FHIT: variants seen among roughly 807,000 people sequenced by gnomAD.
FHIT encodes bis(5'-adenosyl)-triphosphatase.
A neutral mutation model predicts 17.9 loss-of-function variants in FHIT; 19 were observed. That is an observed-to-expected ratio of 1.06 (90% CI 0.74 to 1.56). The LOEUF (loss-of-function observed/expected upper bound fraction) is 1.56, where lower values mean the gene tolerates loss of function less well. Ranked by LOEUF, FHIT falls within the 40% of genes most tolerant of loss-of-function variation. FHIT has a pLI of 0.00. For synonymous variants in FHIT, 81 were observed against 69.7 expected, an observed-to-expected ratio of 1.16 and a Z score of -0.81; for missense variants, 248 against 189.2, an observed-to-expected ratio of 1.31 and a Z score of -1.82.
chr3:60,291,913 G>C (rs1242235094), intron 5 of FHIT, among the ~76,000 whole-genome samples: 1 of 152,158 alleles, frequency 6.6e-6, no homozygotes, highest in Non-Finnish European at 1.5e-5. Context: ...CTCCCCTGAA[G>C]ACTTCCCATG....
Position 61,097,230 on chromosome 3 carries a change from AGACAGTGGGTGCAG to A in FHIT, c.-163-55145_-163-55132del, listed in dbSNP as rs1322798804. On this transcript the variant is annotated intron_variant, in intron 2 of 9. Coordinates refer to ENST00000492590, the MANE Select transcript of FHIT (RefSeq NM_002012.4). ...CGGGTTCATCTCACTGGGGCATGTC[AGACAGTGGGTGCAG>A]GACAGTGGGTGCAGTCCACTGAGCG... Among the ~76,000 whole-genome samples, 9 of 152,268 alleles carry A rather than the reference AGACAGTGGGTGCAG, an allele frequency of 5.9e-5. No individual in the cohort carries two copies. In the East Asian group the frequency reaches 9.6e-4, roughly 16 times the overall value.
At chr3:60,027,134 C>CAA (rs1311478100) in intron 5 of FHIT, among the ~76,000 whole-genome samples, 6,362 of 119,360 alleles carry the variant, frequency 0.053, 286 homozygotes, top group African/African-American at 0.076. Flanking sequence ...CACACACACA[C>CAA]ACACACACAC....
intron 4 of FHIT, among the ~76,000 whole-genome samples, chr3:60,612,063 GC>G (rs2038802195): frequency 6.6e-6 from 1 of 152,004 alleles, no homozygotes; most frequent in Admixed American, 6.6e-5. Context: ...CACTGAACTG[GC>G]CCAGAAATAA....
At chr3:60,517,076 CATGTCG>C (rs1439616228) in intron 5 of FHIT, among the ~76,000 whole-genome samples, 1 of 152,162 alleles carries the variant, frequency 6.6e-6, no homozygotes, top group Non-Finnish European at 1.5e-5. Context: ...GCTATAAAAA[CATGTCG>C]AGAAGTTGTT....
At chr3:61,028,513 C>T (rs2032850612) in intron 3 of FHIT, among the ~76,000 whole-genome samples, 2 of 152,102 alleles carry the variant, frequency 1.3e-5, no homozygotes, top group African/African-American at 4.8e-5. Context: ...GAAGGAGAAA[C>T]CTATAAAGTA....
At chr3:59,794,918 T>C (rs994687365) in intron 8 of FHIT, among the ~76,000 whole-genome samples, 5 of 152,218 alleles carry the variant, frequency 3.3e-5, no homozygotes, top group African/African-American at 9.6e-5. Flanking sequence ...CCTACCCTTG[T>C]TAGCAGTATG....
In FHIT at chr3:60,066,715, G is replaced by A. The variant is rs1457701581; in HGVS notation, c.104-52563C>T. On this transcript the variant is annotated intron_variant, in intron 5 of 9. Coordinates refer to ENST00000492590, the MANE Select transcript of FHIT (RefSeq NM_002012.4). The stretch of plus-strand genomic sequence containing the variant: ...TCTGTCACCCAGGCTGGAGTGCAGA[G>A]GCACGATCTCGGCTCACTGCAAGCT... Among the ~76,000 whole-genome samples, 3 of 130,984 alleles carry A rather than the reference G, an allele frequency of 2.3e-5. No individual in the cohort carries two copies. The Admixed American group carries it at 2.7e-4, about 12-fold the overall frequency. The allele number at this position is 130,984 out of a possible 152,430, so 85.9% of individuals were successfully genotyped here.
chr3:60,835,586 A>G (rs1553743670), intron 3 of FHIT, among the ~76,000 whole-genome samples: 1 of 152,144 alleles, frequency 6.6e-6, no homozygotes, highest in South Asian at 2.1e-4. Flanking sequence ...CTGCCACCTT[A>G]ATGAACTCAA....
At chr3:60,537,396 T>G in intron 4 of FHIT, 1 of 794,000 alleles carries the variant, frequency 1.3e-6, no homozygotes, top group African/African-American at 1.9e-5. Flanking sequence ...TCTTAAATGC[T>G]TCTCTCAAAT....
chr3:59,962,325 TTTC>T (rs202091212), intron 7 of FHIT, among the ~76,000 whole-genome samples: 2,079 of 152,356 alleles, frequency 0.014, 41 homozygotes, highest in African/African-American at 0.046. Flanking sequence ...TCTCAGTTTT[TTTC>T]TTCTTAAGAG....
chr3:60,533,829 A>G (rs924390225), intron 5 of FHIT, among the ~76,000 whole-genome samples: 1 of 152,152 alleles, frequency 6.6e-6, no homozygotes, highest in Admixed American at 6.5e-5. Flanking sequence ...AAAAACAGAC[A>G]TTCCTTATTG....
intron 3 of FHIT, among the ~76,000 whole-genome samples, chr3:60,898,636 G>T (rs1304201390): frequency 6.6e-6 from 1 of 152,134 alleles, no homozygotes; most frequent in Non-Finnish European, 1.5e-5. Flanking sequence ...CTGTTCCTAG[G>T]CTCTAAGCTG....
At chr3:61,144,674 G>T (rs1576098500) in intron 2 of FHIT, among the ~76,000 whole-genome samples, 1 of 152,106 alleles carries the variant, frequency 6.6e-6, no homozygotes, top group Admixed American at 6.5e-5. Flanking sequence ...ACATATGAGG[G>T]TTTTAATTTC....
At chr3:60,895,417 T>G (rs547452788) in intron 3 of FHIT, among the ~76,000 whole-genome samples, 1 of 152,316 alleles carries the variant, frequency 6.6e-6, no homozygotes, top group African/African-American at 2.4e-5. Context: ...TCTTTTTCCC[T>G]TTTATAATTA....
chr3:61,105,635 C>T (rs1273540272), intron 2 of FHIT, among the ~76,000 whole-genome samples: 1 of 152,078 alleles, frequency 6.6e-6, no homozygotes, highest in African/African-American at 2.4e-5. Flanking sequence ...TCTCCCTGAA[C>T]CCCAGCTCTT....
In FHIT at chr3:60,844,982, T is replaced by A. The variant is rs921041546; in HGVS notation, c.-110-22971A>T. 2.6e-5 allele frequency among the ~76,000 whole-genome samples: 4 copies of A among 152,070 alleles called. No individual in the cohort carries two copies. The East Asian group carries it at 7.7e-4, about 29-fold the overall frequency. ...TTTTTTCTGATAGTCTACTCTAGAT[T>A]TGTTCTAAATTAATAAATCCCATTA... is the stretch of plus-strand genomic sequence containing the variant. On this transcript the variant is annotated intron_variant, in intron 3 of 9. Transcript: ENST00000492590.
At chr3:60,745,679 C>A (rs1209490074) in intron 4 of FHIT, among the ~76,000 whole-genome samples, 3 of 152,016 alleles carry the variant, frequency 2.0e-5, no homozygotes, top group East Asian at 1.9e-4. Context: ...GATGGTATGG[C>A]GCTAGAGGTG....
intron 3 of FHIT, among the ~76,000 whole-genome samples, chr3:60,886,133 T>A (rs1705212770): frequency 6.6e-6 from 1 of 152,218 alleles, no homozygotes; most frequent in Non-Finnish European, 1.5e-5. Context: ...TTATGTAATA[T>A]CGAATCCATA....
At chr3:61,135,994 T>C (rs959326019) in intron 2 of FHIT, among the ~76,000 whole-genome samples, 1 of 152,158 alleles carries the variant, frequency 6.6e-6, no homozygotes, top group Non-Finnish European at 1.5e-5. Context: ...TGGAGGCTCA[T>C]GATCATGCTG....
Sources: gnomAD v4.1 joint callset for allele counts (sites outside exome capture counted in the v4.1 genomes callset) on GRCh38, gnomAD v4.1.1 for gene constraint, MANE v1.5 for transcripts, NCBI Gene and HGNC (gene_info 2026-07-23, HGNC 2026-07-21) for gene names.